The following NTRK3 variants were observed in gnomAD, a reference collection of about 807,000 sequenced individuals.
NTRK3 encodes neurotrophic receptor tyrosine kinase 3, also known as NT-3 growth factor receptor.
A neutral mutation model predicts 91.7 loss-of-function variants in NTRK3; 24 were observed. The observed-to-expected ratio is 0.26, with a 90% CI of 0.19 to 0.37. NTRK3 has a LOEUF of 0.37. NTRK3 is among the 10% of genes least tolerant of loss of function. The pLI, the probability that NTRK3 is intolerant of heterozygous loss-of-function variation, is 1.00. For synonymous variants in NTRK3, 483 were observed against 404.0 expected, an observed-to-expected ratio of 1.20 and a Z score of -2.34; for missense variants, 880 against 1,068.9, an observed-to-expected ratio of 0.82 and a Z score of 2.46.
chr15:87,913,217 T>TC (rs1172960623), intron 17 of NTRK3, among the ~76,000 whole-genome samples: 23 of 151,968 alleles, frequency 1.5e-4, no homozygotes, highest in African/African-American at 5.3e-4. Flanking sequence ...GGGATGCTAG[T>TC]CTCATTTATG....
intron 14 of NTRK3, among the ~76,000 whole-genome samples, chr15:87,948,333 GA>G (rs2070770536): frequency 6.6e-6 from 1 of 152,200 alleles, no homozygotes; most frequent in Non-Finnish European, 1.5e-5. Flanking sequence ...AAGACATTTT[GA>G]AGGCTGGAGA....
intron 5 of NTRK3, among the ~76,000 whole-genome samples, chr15:88,157,496 C>G (rs990415696): frequency 9.2e-5 from 14 of 152,044 alleles, no homozygotes; most frequent in African/African-American, 2.7e-4. Context: ...CGTGTGGAGC[C>G]GAGCAGGACC....
rs1285494598 is a variant in NTRK3, at chr15:88,237,904, A to G, written c.248+18002T>C. Among the ~76,000 whole-genome samples, 1 of 152,154 alleles carries G rather than the reference A, an allele frequency of 6.6e-6. No homozygotes were observed. Among genetic ancestry groups the G allele is most frequent in the African/African-American group, 2.4e-5 (1 of 41,432 alleles). ...TTATAATATTTTTGTGTTCCCCTCA[A>G]AATTCCTTTGTTGAAGTCCTAACCC... is the stretch of plus-strand genomic sequence containing the variant. On this transcript the variant is annotated intron_variant, in intron 3 of 18. Coordinates refer to ENST00000394480, the Ensembl canonical transcript of NTRK3. The surrounding 1 kb of genome is among the most constrained non-coding windows in gnomAD (Gnocchi z 4.0).
intron 13 of NTRK3, among the ~76,000 whole-genome samples, chr15:88,085,434 G>T (rs761389227): frequency 1.3e-5 from 2 of 152,164 alleles, no homozygotes; most frequent in African/African-American, 4.8e-5. Context: ...CAGCTTGCAT[G>T]CCTACCATCT....
chr15:88,178,058 C>T (rs1343621876), intron 5 of NTRK3, among the ~76,000 whole-genome samples: 1 of 152,184 alleles, frequency 6.6e-6, no homozygotes, highest in Non-Finnish European at 1.5e-5. Flanking sequence ...AGCTATCCAG[C>T]ATTTCATGGC....
At chr15:88,200,454 T>C (rs763447948) in intron 3 of NTRK3, among the ~76,000 whole-genome samples, 25 of 152,302 alleles carry the variant, frequency 1.6e-4, no homozygotes, top group Middle Eastern at 6.8e-3. Context: ...TCATCTTGAG[T>C]TGTAGTTCCC....
chr15:88,181,491 T>C (rs560955146), intron 5 of NTRK3, among the ~76,000 whole-genome samples: 2 of 151,954 alleles, frequency 1.3e-5, no homozygotes, highest in Admixed American at 1.3e-4. Context: ...AGCCTCTCCA[T>C]CTCCCTAAGA....
intron 3 of NTRK3, among the ~76,000 whole-genome samples, chr15:88,226,414 C>T (rs1342432019): frequency 6.6e-6 from 1 of 152,232 alleles, no homozygotes; most frequent in South Asian, 2.1e-4. Context: ...CACAAGGTGG[C>T]CCTGAGATGC....
At chr15:88,033,766 T>C (rs2078818562) in intron 13 of NTRK3, among the ~76,000 whole-genome samples, 1 of 152,212 alleles carries the variant, frequency 6.6e-6, no homozygotes, top group African/African-American at 2.4e-5. Flanking sequence ...TAAATGACCC[T>C]GGCATAAACT....
At chr15:88,203,779 G>A (rs574810290) in intron 3 of NTRK3, among the ~76,000 whole-genome samples, 14 of 152,176 alleles carry the variant, frequency 9.2e-5, no homozygotes, top group South Asian at 4.2e-4. Context: ...CACATTATAC[G>A]AATGTATTAG....
intron 17 of NTRK3, among the ~76,000 whole-genome samples, chr15:87,883,619 A>G (rs925387266): frequency 1.3e-5 from 2 of 151,182 alleles, no homozygotes; most frequent in African/African-American, 4.8e-5. Context: ...AAAATTGCAC[A>G]TTATTTTCAA....
chr15:88,169,421 AC>A (rs2045304843), intron 5 of NTRK3, among the ~76,000 whole-genome samples: 1 of 152,258 alleles, frequency 6.6e-6, no homozygotes, highest in Middle Eastern at 3.4e-3. Context: ...TGGAGGAAGC[AC>A]CAAGATGCCC....
At chr15:88,206,004 A>C (rs544692898) in intron 3 of NTRK3, 4 of 152,258 alleles carry the variant, frequency 2.6e-5, no homozygotes, top group Non-Finnish European at 5.9e-5. Flanking sequence ...TTTCTAATCC[A>C]TTCCCCACAG....
chr15:88,030,916 C>T (rs1167358986), intron 14 of NTRK3, among the ~76,000 whole-genome samples: 1 of 151,982 alleles, frequency 6.6e-6, no homozygotes, highest in Non-Finnish European at 1.5e-5. Flanking sequence ...TTTTTTTACA[C>T]TTTTGTGCTT....
At chr15:88,008,242 G>T (rs1258016097) in intron 14 of NTRK3, among the ~76,000 whole-genome samples, 2 of 152,154 alleles carry the variant, frequency 1.3e-5, no homozygotes, top group East Asian at 3.9e-4. Context: ...TTCAATGTTA[G>T]CTGGTAAATT....
At chr15:87,917,130 A>T (rs2067503032) in intron 17 of NTRK3, among the ~76,000 whole-genome samples, 2 of 152,376 alleles carry the variant, frequency 1.3e-5, no homozygotes, top group East Asian at 3.9e-4. Flanking sequence ...TCTGTTTTAT[A>T]ACATAAACCA....
chr15:88,040,755 G>C (rs950651930), intron 13 of NTRK3, among the ~76,000 whole-genome samples: 1 of 152,096 alleles, frequency 6.6e-6, no homozygotes, highest in African/African-American at 2.4e-5. Context: ...CCCCAAGGAT[G>C]CTGGGATCCC....
At chr15:88,187,124 T>C (rs2047007276) in intron 3 of NTRK3, among the ~76,000 whole-genome samples, 1 of 152,218 alleles carries the variant, frequency 6.6e-6, no homozygotes, top group African/African-American at 2.4e-5. Context: ...AGTCTTGTTC[T>C]CAGTTTTCAA....
intron 3 of NTRK3, among the ~76,000 whole-genome samples, chr15:88,188,538 C>T (rs930218268): frequency 6.6e-6 from 1 of 152,226 alleles, no homozygotes; most frequent in Non-Finnish European, 1.5e-5. Flanking sequence ...TTATATAAAG[C>T]TTCTGCCTAA....
Sources: gnomAD v4.1 joint callset for allele counts (sites outside exome capture counted in the v4.1 genomes callset) on GRCh38, gnomAD v4.1.1 for gene constraint, Gnocchi (gnomAD v3.1) non-coding constraint, MANE v1.5 for transcripts, NCBI Gene and HGNC (gene_info 2026-07-23, HGNC 2026-07-21) for gene names.